PLD5: variants seen among roughly 807,000 people sequenced by gnomAD.
PLD5 encodes inactive phospholipase D5.
A neutral mutation model predicts 61.1 loss-of-function variants in PLD5; 36 were observed. That is an observed-to-expected ratio of 0.59 (90% CI 0.45 to 0.78). The LOEUF (loss-of-function observed/expected upper bound fraction) is 0.78. Among genes scored for constraint, PLD5 ranks in the 30% least tolerant of loss-of-function variants. The pLI is 0.00. For missense variants in PLD5, 515 were observed against 644.4 expected (o/e 0.80, Z 2.17); for synonymous variants, 243 against 242.8 (o/e 1.00, Z -0.01).
At chr1:242,273,559 T>C (rs1470976164) in intron 3 of PLD5, among the ~76,000 whole-genome samples, 1 of 152,176 alleles carries the variant, frequency 6.6e-6, no homozygotes, top group African/African-American at 2.4e-5. Context: ...TGTCTTGGAA[T>C]GGGGGAACCT....
At chr1:242,370,020 T>C (rs905010053) in intron 1 of PLD5, among the ~76,000 whole-genome samples, 2 of 151,926 alleles carry the variant, frequency 1.3e-5, no homozygotes, top group African/African-American at 4.8e-5. Flanking sequence ...CTTCTGGGAG[T>C]AGAACACTGG....
At chr1:242,161,547 T>C (rs190396544) in intron 5 of PLD5, among the ~76,000 whole-genome samples, 9 of 152,272 alleles carry the variant, frequency 5.9e-5, no homozygotes, top group Admixed American at 2.0e-4. Flanking sequence ...AAAATTAACA[T>C]AATGTTTTGA....
At chr1:242,104,558 T>G (rs531090795) in intron 8 of PLD5, among the ~76,000 whole-genome samples, 2 of 152,238 alleles carry the variant, frequency 1.3e-5, no homozygotes, top group Admixed American at 1.3e-4. Context: ...TTCAAAAGAC[T>G]TGGGTTTGAG....
intron 3 of PLD5, among the ~76,000 whole-genome samples, chr1:242,283,495 G>T (rs1191620625): frequency 6.6e-6 from 1 of 152,092 alleles, no homozygotes; most frequent in Non-Finnish European, 1.5e-5. Flanking sequence ...TTCTGGCTCT[G>T]TTGGTTTAAA....
chr1:242,100,661 C>T lies in PLD5; in HGVS notation c.1354+7G>A, dbSNP rs1660610195. 1.2e-6 allele frequency: 2 copies of T among 1,609,814 alleles called. No homozygotes were observed. The highest frequency in any genetic ancestry group is 2.2e-5 in the East Asian group (1 of 44,852). On this transcript the variant is annotated splice_region_variant and intron_variant, in intron 9 of 9. Transcript: ENST00000536534. ...CACCCAAGGAGCTTCACAGCCCTGA[C>T]ACCTACCAATATAAGCTGCTCCATC...
At chr1:242,284,020 C>T (rs1296467791) in intron 3 of PLD5, among the ~76,000 whole-genome samples, 1 of 150,942 alleles carries the variant, frequency 6.6e-6, no homozygotes, top group East Asian at 1.9e-4. Flanking sequence ...TACCTGTTTC[C>T]TTTCTCCATT....
intron 5 of PLD5, among the ~76,000 whole-genome samples, chr1:242,199,235 T>C (rs1025298064): frequency 6.6e-6 from 1 of 152,072 alleles, no homozygotes; most frequent in African/African-American, 2.4e-5. Flanking sequence ...TTTTAAATGT[T>C]ATTATTTTTA....
In PLD5 at chr1:242,087,655, G is replaced by A. The variant is rs770317758; in HGVS notation, c.*2199C>T. The A allele has an allele frequency of 3.9e-5, 6 of 152,170 alleles. No individual in the cohort carries two copies. Among genetic ancestry groups the A allele is most frequent in the Non-Finnish European group, 7.3e-5 (5 of 68,080 alleles). 9.4% of individuals were successfully genotyped at this position (152,170 alleles called of 1,614,324 possible). A position where few individuals can be genotyped will look rare whatever the true frequency, so the allele number is the denominator to read the frequency against. On this transcript the variant is annotated 3_prime_UTR_variant, in exon 10 of 10. Coordinates refer to ENST00000536534, the MANE Select transcript of PLD5 (RefSeq NM_001372062.1). ...AGGCAGGATCTTGCTATGCTACCCA[G>A]GCTGGTCTCAAACTCTTGGCCTCAA...
chr1:242,437,063 C>T lies in PLD5; in HGVS notation c.189+87025G>A, dbSNP rs556539766. Among the ~76,000 whole-genome samples, 35 of 152,198 alleles carry T rather than the reference C, an allele frequency of 2.3e-4. No homozygotes were observed. The South Asian group carries it at 6.4e-3, about 28-fold the overall frequency. On this transcript the variant is annotated intron_variant, in intron 1 of 9. Transcript: ENST00000536534. ...CCTTTGTCAGAGGTTTATATGTGAT[C>T]TCGATTAGTCACTTCACCTTCTGGG...
intron 4 of PLD5, among the ~76,000 whole-genome samples, chr1:242,225,887 A>G (rs1406212986): frequency 6.6e-6 from 1 of 152,218 alleles, no homozygotes; most frequent in African/African-American, 2.4e-5. Flanking sequence ...CACTTGGGTA[A>G]ATACCTAGGA....
At chr1:242,273,371 G>C (rs1382025049) in intron 3 of PLD5, among the ~76,000 whole-genome samples, 1 of 152,066 alleles carries the variant, frequency 6.6e-6, no homozygotes, top group African/African-American at 2.4e-5. Flanking sequence ...ATTGTAAATA[G>C]AGGCACAATA....
At chr1:242,313,322 T>C (rs1177998540) in intron 2 of PLD5, among the ~76,000 whole-genome samples, 3 of 152,232 alleles carry the variant, frequency 2.0e-5, no homozygotes, top group Non-Finnish European at 4.4e-5. Flanking sequence ...TCTGCAGTGC[T>C]ATTGTGTATC....
chr1:242,163,757 TGGAAAAGGAAA>T lies in PLD5; in HGVS notation c.736-39103_736-39093del, dbSNP rs1394592935. 5.3e-5 allele frequency among the ~76,000 whole-genome samples: 8 copies of T among 151,868 alleles called. No homozygotes were observed. In the East Asian group the frequency reaches 1.6e-3, roughly 29 times the overall value. On this transcript the variant is annotated intron_variant, in intron 5 of 9. Coordinates refer to ENST00000536534, the MANE Select transcript of PLD5 (RefSeq NM_001372062.1). ...AGAGAAAGAAAAAGGTGAAAGGAGA[TGGAAAAGGAAA>T]TGGAAAGGAAGAAAGGAGAAGAGAA... is the stretch of plus-strand genomic sequence containing the variant.
At chr1:242,446,256 TAAA>T (rs1030435206) in intron 1 of PLD5, among the ~76,000 whole-genome samples, 1 of 150,868 alleles carries the variant, frequency 6.6e-6, no homozygotes, top group African/African-American at 2.4e-5. Flanking sequence ...AAAAATAAAA[TAAA>T]ATAATAATAA....
At chr1:242,444,731 T>TTATATAATAAAATAATATA (rs1558572573) in intron 1 of PLD5, among the ~76,000 whole-genome samples, 67 of 71,080 alleles carry the variant, frequency 9.4e-4, no homozygotes, top group Admixed American at 1.6e-3. Flanking sequence ...AATATATATA[T>TTATATAATAAAATAATATA]TATTTGTATA....
chr1:242,116,478 T>C (rs1315526940), intron 6 of PLD5, among the ~76,000 whole-genome samples: 1 of 152,172 alleles, frequency 6.6e-6, no homozygotes, highest in Non-Finnish European at 1.5e-5. Flanking sequence ...ATATATATTA[T>C]GTGATGCTGA....
chr1:242,409,453 A>T (rs11800864), intron 1 of PLD5, among the ~76,000 whole-genome samples: 1,699 of 150,578 alleles, frequency 0.011, 36 homozygotes, highest in African/African-American at 0.039. Flanking sequence ...TTATTGGTGC[A>T]AGCAGAAGCT....
intron 1 of PLD5, among the ~76,000 whole-genome samples, chr1:242,523,537 C>T (rs903769642): frequency 5.9e-5 from 9 of 152,112 alleles, no homozygotes; most frequent in Non-Finnish European, 1.0e-4. Context: ...CAAATCTCTC[C>T]CTAGTTGGGC....
At chr1:242,264,157 C>T (rs1463146516) in intron 4 of PLD5, among the ~76,000 whole-genome samples, 4 of 151,670 alleles carry the variant, frequency 2.6e-5, no homozygotes, top group South Asian at 2.1e-4. Flanking sequence ...ATAGTGAGAA[C>T]CCAATTTTAC....
Sources: gnomAD v4.1 joint callset for allele counts (sites outside exome capture counted in the v4.1 genomes callset) on GRCh38, gnomAD v4.1.1 for gene constraint, MANE v1.5 for transcripts, NCBI Gene and HGNC (gene_info 2026-07-23, HGNC 2026-07-21) for gene names.